The following SLC25A21 variants were observed in gnomAD, a reference collection of about 807,000 sequenced individuals.
SLC25A21 encodes the protein solute carrier family 25 member 21, also known as mitochondrial 2-oxodicarboxylate carrier.
In SLC25A21, 47 loss-of-function variants were observed where a neutral mutation model predicts 43.8. The observed-to-expected ratio is 1.07, with a 90% CI of 0.85 to 1.37. The LOEUF (loss-of-function observed/expected upper bound fraction) is 1.37, where lower values mean the gene tolerates loss of function less well. Among genes scored for constraint, SLC25A21 ranks in the 40% most tolerant of loss-of-function variants. The pLI is 0.00. For synonymous variants in SLC25A21, 131 were observed against 121.3 expected (o/e 1.08, Z -0.52); for missense variants, 352 against 350.2 (o/e 1.00, Z -0.04).
intron 1 of SLC25A21, among the ~76,000 whole-genome samples, chr14:36,926,227 T>C (rs977985346): frequency 3.3e-5 from 5 of 152,152 alleles, no homozygotes; most frequent in Non-Finnish European, 5.9e-5. Flanking sequence ...AAATCCCTAA[T>C]ATTTGGAAAT....
Position 36,678,246 on chromosome 14 carries a change from G to A in SLC25A21, c.*2412C>T. The A allele has an allele frequency of 1.8e-6, 1 of 551,690 alleles. No homozygotes were observed. Among genetic ancestry groups the A allele is most frequent in the Non-Finnish European group, 3.2e-6 (1 of 308,628 alleles). 34.2% of individuals were successfully genotyped at this position (551,690 alleles called of 1,614,324 possible). A position where few individuals can be genotyped will look rare whatever the true frequency, so the allele number is the denominator to read the frequency against. On this transcript the variant is annotated 3_prime_UTR_variant, in exon 10 of 10. Coordinates refer to ENST00000331299, the MANE Select transcript of SLC25A21 (RefSeq NM_030631.4). ...AGTTAGGTTTTCAAATCACTAGGAT[G>A]TAAACAGTAAGCAGATTTCTGACAC...
At chr14:36,734,708 A>G in intron 3 of SLC25A21, 135 bp from the exon 4 acceptor site, 1 of 656,426 alleles carries the variant, frequency 1.5e-6, no homozygotes, top group Non-Finnish European at 2.6e-6. Flanking sequence ...CTTTCATTCT[A>G]AAATAAAGAA....
chr14:36,816,204 C>T (rs2138451027), intron 2 of SLC25A21, among the ~76,000 whole-genome samples: 1 of 152,194 alleles, frequency 6.6e-6, no homozygotes, highest in African/African-American at 2.4e-5. Context: ...AAGTACTGAA[C>T]AGTACTGTGA....
intron 1 of SLC25A21, among the ~76,000 whole-genome samples, chr14:37,101,557 T>C (rs946582115): frequency 3.3e-5 from 5 of 152,240 alleles, no homozygotes; most frequent in African/African-American, 7.2e-5. Context: ...TGTCATAATA[T>C]TATTTTAATT....
intron 1 of SLC25A21, among the ~76,000 whole-genome samples, chr14:36,919,621 A>AT (rs1280402173): frequency 0.038 from 851 of 22,528 alleles, 6 homozygotes; most frequent in Middle Eastern, 0.071. Flanking sequence ...TTATCTATCT[A>AT]CCTATCTATC....
chr14:37,123,381 G>T (rs1390676918), intron 1 of SLC25A21, among the ~76,000 whole-genome samples: 2 of 152,270 alleles, frequency 1.3e-5, no homozygotes, highest in South Asian at 2.1e-4. Flanking sequence ...AGAAAGAGAA[G>T]AATGCAATTT....
chr14:37,125,725 T>G (rs1364939462), intron 1 of SLC25A21, among the ~76,000 whole-genome samples: 1 of 152,178 alleles, frequency 6.6e-6, no homozygotes, highest in Non-Finnish European at 1.5e-5. Flanking sequence ...TAAGGCAGAC[T>G]CCAAGTCCAT....
intron 1 of SLC25A21, among the ~76,000 whole-genome samples, chr14:37,142,608 C>T (rs541176670): frequency 8.1e-4 from 123 of 152,254 alleles, no homozygotes; most frequent in African/African-American, 2.7e-3. Context: ...GCAATCCTCC[C>T]GAGTAGCTGG....
chr14:36,903,321 A>T (rs1457913994), intron 1 of SLC25A21, among the ~76,000 whole-genome samples: 1 of 152,134 alleles, frequency 6.6e-6, no homozygotes, highest in African/African-American at 2.4e-5. Context: ...TGGCCCACAG[A>T]TGTGTTTTGT....
chr14:36,837,928 G>A (rs1889263372), intron 2 of SLC25A21, among the ~76,000 whole-genome samples: 1 of 152,206 alleles, frequency 6.6e-6, no homozygotes, highest in Admixed American at 6.5e-5. Context: ...AGGGTCTGAA[G>A]ATGGACTCCA....
At chr14:37,131,296 C>T (rs2180094) in intron 1 of SLC25A21, among the ~76,000 whole-genome samples, 4,421 of 152,230 alleles carry the variant, frequency 0.029, 147 homozygotes, top group Admixed American at 0.094. Flanking sequence ...TAAGGCATAT[C>T]ATTGAGTGAG....
chr14:37,072,304 A>G (rs1962190068), intron 1 of SLC25A21, among the ~76,000 whole-genome samples: 2 of 152,096 alleles, frequency 1.3e-5, no homozygotes, highest in Admixed American at 6.6e-5. Flanking sequence ...TCCAGGGGCC[A>G]TACTCTGATT....
At chr14:36,829,419 C>G (rs1283350368) in intron 2 of SLC25A21, among the ~76,000 whole-genome samples, 1 of 152,082 alleles carries the variant, frequency 6.6e-6, no homozygotes, top group African/African-American at 2.4e-5. Context: ...GTTCACTGTT[C>G]CCATCAAGGA....
chr14:36,695,934 C>T (rs1001685526), intron 7 of SLC25A21, among the ~76,000 whole-genome samples: 1 of 152,190 alleles, frequency 6.6e-6, no homozygotes, highest in African/African-American at 2.4e-5. Context: ...GTCAGAACTT[C>T]CAACACTATG....
intron 2 of SLC25A21, among the ~76,000 whole-genome samples, chr14:36,815,099 C>T (rs1228169086): frequency 1.3e-5 from 2 of 152,136 alleles, no homozygotes; most frequent in African/African-American, 2.4e-5. Flanking sequence ...TGTTCTCACT[C>T]ATAAGTGGGA....
chr14:37,071,613 G>C (rs947344756), intron 1 of SLC25A21, among the ~76,000 whole-genome samples: 1 of 152,156 alleles, frequency 6.6e-6, no homozygotes, highest in Non-Finnish European at 1.5e-5. Flanking sequence ...TATATATTCA[G>C]TTAGAAAGCA....
intron 1 of SLC25A21, among the ~76,000 whole-genome samples, chr14:36,935,330 G>C (rs1301387069): frequency 1.3e-5 from 2 of 152,116 alleles, no homozygotes; most frequent in African/African-American, 4.8e-5. Flanking sequence ...GACCAGGCAT[G>C]GGACTGACCC....
chr14:36,893,909 T>C (rs1413725839), intron 1 of SLC25A21, among the ~76,000 whole-genome samples: 3 of 152,210 alleles, frequency 2.0e-5, no homozygotes, highest in Non-Finnish European at 4.4e-5. Context: ...ATCTCTGTTT[T>C]GGTACCAGTA....
At chr14:36,992,100 A>G (rs563770442) in intron 1 of SLC25A21, among the ~76,000 whole-genome samples, 61 of 152,336 alleles carry the variant, frequency 4.0e-4, no homozygotes, top group African/African-American at 1.5e-3. Context: ...CAGGCCGAGC[A>G]CTTTGCAACT....
Sources: gnomAD v4.1 joint callset for allele counts (sites outside exome capture counted in the v4.1 genomes callset) on GRCh38, gnomAD v4.1.1 for gene constraint, MANE v1.5 for transcripts, NCBI Gene and HGNC (gene_info 2026-07-23, HGNC 2026-07-21) for gene names.